Variants in AGMO observed in about 807,000 individuals in gnomAD.
The protein encoded by AGMO is alkylglycerol monooxygenase.
Under a neutral mutation model 60.2 loss-of-function variants are expected in AGMO, and 75 were observed. The ratio of observed to expected loss-of-function variants is 1.25; its 90% CI spans 1.03 to 1.51. The LOEUF is 1.51. AGMO is among the 40% of genes most tolerant of loss of function. The pLI is 0.00. For missense variants in AGMO, 763 were observed against 525.5 expected (o/e 1.45, Z -4.42); for synonymous variants, 261 against 177.1 (o/e 1.47, Z -3.76).
At chr7:15,223,424 T>C (rs1028091856) in intron 12 of AGMO, among the ~76,000 whole-genome samples, 2 of 151,974 alleles carry the variant, frequency 1.3e-5, no homozygotes, top group Non-Finnish European at 2.9e-5. Flanking sequence ...AACAAAGTGA[T>C]TTTCATATAG....
At chr7:15,368,012 C>G (rs1009470214) in intron 10 of AGMO, among the ~76,000 whole-genome samples, 1 of 152,074 alleles carries the variant, frequency 6.6e-6, no homozygotes, top group Non-Finnish European at 1.5e-5. Context: ...AGCCCCATCT[C>G]TCACGGCCAA....
chr7:15,227,228 T>C (rs555474515), intron 12 of AGMO, among the ~76,000 whole-genome samples: 86 of 152,134 alleles, frequency 5.7e-4, no homozygotes, highest in African/African-American at 1.9e-3. Context: ...CAGTAACAAA[T>C]AGCTGAGTAT....
At chr7:15,219,036 G>A (rs199532058) in intron 12 of AGMO, among the ~76,000 whole-genome samples, 10 of 152,152 alleles carry the variant, frequency 6.6e-5, no homozygotes, top group Non-Finnish European at 1.3e-4. Flanking sequence ...TGTTAGATAA[G>A]AGAAAGTATT....
chr7:15,352,556 T>C (rs1022702992), intron 12 of AGMO, among the ~76,000 whole-genome samples: 1 of 151,454 alleles, frequency 6.6e-6, no homozygotes, highest in Non-Finnish European at 1.5e-5. Flanking sequence ...GCTTTTAAAA[T>C]CTCAGGCTTG....
the AGMO span, among the ~76,000 whole-genome samples, chr7:15,179,551 G>A: frequency 0.012 from 1,829 of 152,230 alleles, 41 homozygotes; most frequent in African/African-American, 0.042. Flanking sequence ...GAACTCCTGA[G>A]GTCTCAGGCA....
At chr7:15,459,513 A>G (rs1230767549) in intron 3 of AGMO, among the ~76,000 whole-genome samples, 1 of 151,748 alleles carries the variant, frequency 6.6e-6, no homozygotes, top group African/African-American at 2.4e-5. Context: ...CCTGGAATGA[A>G]CTTTTCTGAA....
At chr7:15,396,687 G>T (rs1229038113) in intron 5 of AGMO, 1 of 151,004 alleles carries the variant, frequency 6.6e-6, no homozygotes, top group East Asian at 2.0e-4. Flanking sequence ...ACTTTACAGA[G>T]AGCTGATTGG....
intron 4 of AGMO, among the ~76,000 whole-genome samples, chr7:15,421,424 A>C (rs1255418391): frequency 1.3e-5 from 2 of 152,172 alleles, no homozygotes; most frequent in African/African-American, 4.8e-5. Flanking sequence ...ACATCTTTTT[A>C]AGCATGTAAG....
intron 8 of AGMO, 61 bp from the exon 9 acceptor site, chr7:15,387,601 A>G (rs1783969932): frequency 2.1e-6 from 3 of 1,411,802 alleles, no homozygotes; most frequent in Non-Finnish European, 2.9e-6. Context: ...TTAAATACCA[A>G]AAGTTATGTA....
the AGMO span, among the ~76,000 whole-genome samples, chr7:15,177,411 C>T: frequency 7.9e-5 from 12 of 152,224 alleles, no homozygotes; most frequent in Non-Finnish European, 1.3e-4. Context: ...ATCAACACTT[C>T]TGTTCTTCCT....
intron 3 of AGMO, among the ~76,000 whole-genome samples, chr7:15,474,840 C>T (rs974896518): frequency 6.7e-6 from 1 of 148,352 alleles, no homozygotes. Context: ...AGAACTTAGA[C>T]AAATTTACAT....
intron 3 of AGMO, among the ~76,000 whole-genome samples, chr7:15,458,721 C>A (rs139511914): frequency 6.6e-6 from 1 of 152,002 alleles, no homozygotes; most frequent in African/African-American, 2.4e-5. Context: ...ATTATTAATA[C>A]CTCTGCTTTA....
chr7:15,291,621 C>T (rs1379151825), intron 12 of AGMO, among the ~76,000 whole-genome samples: 1 of 152,036 alleles, frequency 6.6e-6, no homozygotes, highest in African/African-American at 2.4e-5. Context: ...AACTTGTCAA[C>T]TGAAAAGCTT....
At chr7:15,467,629 G>C (rs1297347774) in intron 3 of AGMO, among the ~76,000 whole-genome samples, 1 of 151,998 alleles carries the variant, frequency 6.6e-6, no homozygotes, top group African/African-American at 2.4e-5. Context: ...TTCTATAATG[G>C]TTCTTCCAGA....
At chr7:15,277,237 A>G (rs1583355018) in intron 12 of AGMO, among the ~76,000 whole-genome samples, 1 of 152,124 alleles carries the variant, frequency 6.6e-6, no homozygotes, top group East Asian at 1.9e-4. Context: ...CCTGGGAGGC[A>G]GAGGTGTCAG....
intron 3 of AGMO, among the ~76,000 whole-genome samples, chr7:15,496,723 T>C (rs185843334): frequency 7.3e-4 from 111 of 152,308 alleles, no homozygotes; most frequent in African/African-American, 2.5e-3. Context: ...TATTGAAATA[T>C]GTATAATAAA....
intron 3 of AGMO, 106 bp downstream of exon 3, chr7:15,544,666 T>C: frequency 1.0e-6 from 1 of 976,674 alleles, no homozygotes; most frequent in Non-Finnish European, 1.4e-6. Flanking sequence ...TAAAATATAC[T>C]ATTTTATTCC....
At chr7:15,311,174 C>T (rs1056971820) in intron 12 of AGMO, among the ~76,000 whole-genome samples, 12 of 151,780 alleles carry the variant, frequency 7.9e-5, no homozygotes, top group African/African-American at 2.7e-4. Flanking sequence ...ACCAAAAATG[C>T]TAGATTAAAA....
At chr7:15,415,060 T>G (rs1189938348) in intron 5 of AGMO, among the ~76,000 whole-genome samples, 1 of 152,148 alleles carries the variant, frequency 6.6e-6, no homozygotes, top group East Asian at 1.9e-4. Context: ...AGACTATCTT[T>G]CAGAGTTTGT....
Sources: allele counts gnomAD v4.1 joint callset (sites outside exome capture counted in the v4.1 genomes callset), GRCh38; gene constraint gnomAD v4.1.1; transcripts MANE v1.5; gene names NCBI Gene and HGNC (gene_info 2026-07-23, HGNC 2026-07-21).